CR1L: variants seen among roughly 807,000 people sequenced by gnomAD.
CR1L encodes the protein complement component receptor 1-like protein.
Under a neutral mutation model 62.3 loss-of-function variants are expected in CR1L, and 59 were observed. The observed-to-expected ratio is 0.95, with a 90% CI of 0.77 to 1.18. The LOEUF is 1.18. Among genes scored for constraint, CR1L ranks in the 50% most tolerant of loss-of-function variants. The pLI, the probability that CR1L is intolerant of heterozygous loss-of-function variation, is 0.00. For synonymous variants in CR1L, 279 were observed against 248.7 expected, an observed-to-expected ratio of 1.12 and a Z score of -1.15; for missense variants, 700 against 702.8, an observed-to-expected ratio of 1.00 and a Z score of 0.04.
intron 1 of CR1L, among the ~76,000 whole-genome samples, chr1:207,671,684 T>C (rs1211447293): frequency 6.6e-6 from 1 of 150,860 alleles, no homozygotes. Context: ...CCCAGCACTT[T>C]AGGAGGCAGG....
intron 10 of CR1L, chr1:207,710,307 C>A: frequency 1.1e-6 from 1 of 896,146 alleles, no homozygotes; most frequent in Non-Finnish European, 1.8e-6. Flanking sequence ...CGTGCCACTG[C>A]ACTCCAGCCT....
intron 1 of CR1L, among the ~76,000 whole-genome samples, chr1:207,664,026 A>G (rs373812152): frequency 5.1e-4 from 78 of 152,304 alleles, no homozygotes; most frequent in African/African-American, 1.7e-3. Context: ...ATAGCAACTA[A>G]ATTTATAGCA....
chr1:207,699,330 T>A, intron 8 of CR1L, 56 bp downstream of exon 8: 1 of 1,603,478 alleles, frequency 6.2e-7, no homozygotes, highest in Middle Eastern at 1.7e-4. Context: ...TGTTCAGTAT[T>A]TGACCCATGA....
intron 10 of CR1L, chr1:207,710,414 A>G: frequency 6.4e-7 from 1 of 1,554,624 alleles, no homozygotes; most frequent in Non-Finnish European, 8.9e-7. Context: ...CAACATCACC[A>G]ATGGATATTT....
At chr1:207,650,788 ATTTT>A (rs59483254) in intron 1 of CR1L, among the ~76,000 whole-genome samples, 1 of 146,680 alleles carries the variant, frequency 6.8e-6, no homozygotes. Context: ...TGCAGTGTAG[ATTTT>A]TTTTTTTTTT....
intron 1 of CR1L, among the ~76,000 whole-genome samples, chr1:207,654,241 CTT>C (rs144809100): frequency 0.015 from 2,257 of 152,188 alleles, 72 homozygotes; most frequent in African/African-American, 0.052. Flanking sequence ...CAAAGTGAGT[CTT>C]GGAGGAAAAG....
chr1:207,717,337 T>A, intron 10 of CR1L, 127 bp from the exon 11 acceptor site: 2 of 1,087,228 alleles, frequency 1.8e-6, no homozygotes, highest in Non-Finnish European at 2.6e-6. Flanking sequence ...TTAAATTCCA[T>A]CCACCTTAGT....
At chr1:207,682,582 A>G (rs571980597) in intron 3 of CR1L, among the ~76,000 whole-genome samples, 30 of 152,320 alleles carry the variant, frequency 2.0e-4, no homozygotes, top group African/African-American at 6.5e-4. Flanking sequence ...TTGTCTCACT[A>G]TTCATTTGAT....
intron 4 of CR1L, among the ~76,000 whole-genome samples, chr1:207,686,973 T>C (rs778631874): frequency 3.5e-4 from 53 of 152,314 alleles, no homozygotes; most frequent in Middle Eastern, 3.4e-3. Context: ...TCCACAACTA[T>C]GAGAAATAAA....
chr1:207,717,699 T>C lies in CR1L; in HGVS notation c.1642+8T>C, dbSNP rs755923776. The C allele has an allele frequency of 5.6e-6, 9 of 1,613,816 alleles. No homozygotes were observed. The highest frequency in any genetic ancestry group is 3.3e-5 in the Admixed American group (2 of 60,000). On this transcript the variant is annotated splice_region_variant and intron_variant, in intron 11 of 11. Transcript: ENST00000508064. ...AACTTCCTGTTGGTGCTGGTCAGTA[T>C]CCGCTTCCACATATCCTAAATGGGT...
At chr1:207,709,909 A>G (rs1664326635) in intron 10 of CR1L, among the ~76,000 whole-genome samples, 1 of 152,184 alleles carries the variant, frequency 6.6e-6, no homozygotes, top group Non-Finnish European at 1.5e-5. Flanking sequence ...AACTACGAAG[A>G]GCACAACTCA....
intron 4 of CR1L, among the ~76,000 whole-genome samples, chr1:207,684,382 T>C (rs1484821776): frequency 1.3e-5 from 2 of 152,200 alleles, no homozygotes; most frequent in African/African-American, 4.8e-5. Context: ...CCATGCACTA[T>C]AAACCTCAGA....
chr1:207,701,793 G>C lies in CR1L; in HGVS notation c.1328+175G>C. ...TAGGAGAAGATTAGGGGAAAAATCT[G>C]TGTCCTTGCTGGAAACCAGGGCAGT... On this transcript the variant is annotated intron_variant, in intron 9 of 11. Coordinates refer to ENST00000508064, the MANE Select transcript of CR1L (RefSeq NM_175710.2). 5 of 961,864 alleles carry C rather than the reference G, an allele frequency of 5.2e-6. No homozygotes were observed. The South Asian group carries it at 7.0e-5, about 13-fold the overall frequency. The allele number at this position is 961,864 out of a possible 1,614,324, so 59.6% of individuals were successfully genotyped here.
At chr1:207,709,548 A>C (rs1320185633) in intron 10 of CR1L, among the ~76,000 whole-genome samples, 1 of 152,220 alleles carries the variant, frequency 6.6e-6, no homozygotes, top group Non-Finnish European at 1.5e-5. Context: ...ATAAATGTGT[A>C]CTATAGGCCA....
chr1:207,705,390 G>T (rs574808570), intron 9 of CR1L, among the ~76,000 whole-genome samples: 6 of 152,316 alleles, frequency 3.9e-5, no homozygotes, highest in Non-Finnish European at 8.8e-5. Context: ...AATGTCAAGT[G>T]TCAGGTGCTC....
At chr1:207,705,879 T>C (rs1009389798) in intron 9 of CR1L, among the ~76,000 whole-genome samples, 1 of 152,020 alleles carries the variant, frequency 6.6e-6, no homozygotes, top group African/African-American at 2.4e-5. Flanking sequence ...CTCCTTTTCC[T>C]ATTTTTAACA....
At chr1:207,704,556 T>C (rs1344865178) in intron 9 of CR1L, among the ~76,000 whole-genome samples, 1 of 152,240 alleles carries the variant, frequency 6.6e-6, no homozygotes, top group Non-Finnish European at 1.5e-5. Flanking sequence ...GAAGAGTCAA[T>C]GTGGCCAGTT....
intron 10 of CR1L, among the ~76,000 whole-genome samples, chr1:207,714,615 G>A (rs1291167259): frequency 6.6e-6 from 1 of 152,152 alleles, no homozygotes; most frequent in Non-Finnish European, 1.5e-5. Context: ...TAACTAGATT[G>A]AGCAATTAAG....
chr1:207,673,809 C>G (rs971812964), intron 1 of CR1L, among the ~76,000 whole-genome samples: 1 of 152,172 alleles, frequency 6.6e-6, no homozygotes, highest in East Asian at 1.9e-4. Flanking sequence ...GCATTTTACT[C>G]TTAGGTTTTT....
Sources: gnomAD v4.1 joint callset for allele counts (sites outside exome capture counted in the v4.1 genomes callset) on GRCh38, gnomAD v4.1.1 for gene constraint, MANE v1.5 for transcripts, NCBI Gene and HGNC (gene_info 2026-07-23, HGNC 2026-07-21) for gene names.